SLC25A48: variants seen among roughly 807,000 people sequenced by gnomAD.
SLC25A48 encodes CTC-321K16.1.
A neutral mutation model predicts 32.2 loss-of-function variants in SLC25A48; 29 were observed. The ratio of observed to expected loss-of-function variants is 0.90; its 90% CI spans 0.67 to 1.23. The LOEUF (loss-of-function observed/expected upper bound fraction) is 1.23, where lower values mean the gene tolerates loss of function less well. SLC25A48 is among the 50% of genes most tolerant of loss of function. SLC25A48 has a pLI of 0.00. For synonymous variants in SLC25A48, 164 were observed against 172.3 expected, an observed-to-expected ratio of 0.95 and a Z score of 0.38; for missense variants, 399 against 422.7, an observed-to-expected ratio of 0.94 and a Z score of 0.49.
chr5:135,838,640 C>G (rs1016955851), intron 1 of SLC25A48, among the ~76,000 whole-genome samples: 1 of 152,218 alleles, frequency 6.6e-6, no homozygotes, highest in Non-Finnish European at 1.5e-5. Flanking sequence ...TGTGTCCTAG[C>G]CACTTCAGCC....
rs1016778368 is a variant in SLC25A48, at chr5:135,850,360, A to G, written c.91-65A>G. On this transcript the variant is annotated intron_variant, in intron 2 of 7. Transcript: ENST00000681962. ...ATGAGCAGGGCCTTTCCCTCTGGGC[A>G]TCTCCGGAGCAGTGGGGCTATGAAT... 6 of 1,517,760 alleles carry G rather than the reference A, an allele frequency of 4.0e-6. No individual in the cohort carries two copies. In the African/African-American group the frequency reaches 6.8e-5, roughly 17 times the overall value. 94.0% of individuals were successfully genotyped at this position (1,517,760 alleles called of 1,614,324 possible).
At chr5:135,850,057 A>G (rs1219959086) in intron 2 of SLC25A48, among the ~76,000 whole-genome samples, 1 of 152,224 alleles carries the variant, frequency 6.6e-6, no homozygotes, top group Non-Finnish European at 1.5e-5. Context: ...TGGTGGTTCT[A>G]GGGACAAGAA....
chr5:135,801,688 A>T (rs2109669), intron 3 of SLC25A48, among the ~76,000 whole-genome samples: 98,020 of 150,996 alleles, frequency 0.65, 34,041 homozygotes, highest in Non-Finnish European at 0.78. Flanking sequence ...CCCTATAATA[A>T]GGTTTGTAAT....
At chr5:135,643,011 G>A (rs1037969766) in intron 3 of SLC25A48, among the ~76,000 whole-genome samples, 1 of 152,202 alleles carries the variant, frequency 6.6e-6, no homozygotes, top group Non-Finnish European at 1.5e-5. Flanking sequence ...CGGCAGCAAC[G>A]CAAGTCCTAA....
intron 3 of SLC25A48, among the ~76,000 whole-genome samples, chr5:135,729,620 T>C (rs1389526206): frequency 3.3e-5 from 5 of 152,180 alleles, no homozygotes; most frequent in African/African-American, 1.2e-4. Context: ...AATATCAGTT[T>C]TAAATGATCA....
chr5:135,692,506 T>C (rs1754171140), intron 3 of SLC25A48, among the ~76,000 whole-genome samples: 1 of 152,096 alleles, frequency 6.6e-6, no homozygotes, highest in South Asian at 2.1e-4. Context: ...GGTGGAAAAA[T>C]AGACAATCAA....
At chr5:135,613,429 T>G (rs1210563866) in intron 1 of SLC25A48, among the ~76,000 whole-genome samples, 1 of 152,194 alleles carries the variant, frequency 6.6e-6, no homozygotes, top group Non-Finnish European at 1.5e-5. Context: ...TTTAAGTTTA[T>G]TATAATTTCA....
chr5:135,856,064 C>T (rs746434779), intron 4 of SLC25A48, among the ~76,000 whole-genome samples: 5 of 152,156 alleles, frequency 3.3e-5, no homozygotes, highest in Admixed American at 6.5e-5. Context: ...GAGAGAGTGC[C>T]GGCTTTGGAG....
At chr5:135,666,409 C>T (rs1290549792) in intron 3 of SLC25A48, among the ~76,000 whole-genome samples, 1 of 152,182 alleles carries the variant, frequency 6.6e-6, no homozygotes, top group Non-Finnish European at 1.5e-5. Context: ...AGATATCTTT[C>T]ACATAAAGAG....
chr5:135,637,158 A>T (rs1480657974), intron 3 of SLC25A48, among the ~76,000 whole-genome samples: 1 of 152,222 alleles, frequency 6.6e-6, no homozygotes, highest in African/African-American at 2.4e-5. Flanking sequence ...CAATGTGGTC[A>T]ACACAAATCA....
intron 3 of SLC25A48, among the ~76,000 whole-genome samples, chr5:135,695,602 C>T (rs1194788517): frequency 1.3e-5 from 2 of 152,118 alleles, no homozygotes; most frequent in African/African-American, 4.8e-5. Flanking sequence ...TGAGAATGCA[C>T]TGCCTCCCAC....
intron 3 of SLC25A48, among the ~76,000 whole-genome samples, chr5:135,640,153 GA>G (rs1294444660): frequency 6.6e-6 from 1 of 152,168 alleles, no homozygotes; most frequent in Non-Finnish European, 1.5e-5. Flanking sequence ...AGATTAACAG[GA>G]GATTGCAGAC....
intron 1 of SLC25A48, among the ~76,000 whole-genome samples, chr5:135,604,043 A>T (rs964993308): frequency 6.6e-6 from 1 of 152,206 alleles, no homozygotes; most frequent in African/African-American, 2.4e-5. Flanking sequence ...CTGGGTGCTA[A>T]ATTCTTTGAC....
chr5:135,769,934 G>T (rs1276488758), intron 3 of SLC25A48, among the ~76,000 whole-genome samples: 1 of 150,096 alleles, frequency 6.7e-6, no homozygotes, highest in Admixed American at 6.7e-5. Context: ...TAATATCCAG[G>T]GGGGAGAAAG....
chr5:135,855,750 C>A (rs1049479524), intron 4 of SLC25A48, among the ~76,000 whole-genome samples: 1 of 152,212 alleles, frequency 6.6e-6, no homozygotes, highest in Non-Finnish European at 1.5e-5. Flanking sequence ...GGGACTCATA[C>A]GCATGTATGT....
chr5:135,869,406 T>G (rs1246481975), intron 4 of SLC25A48, among the ~76,000 whole-genome samples: 2 of 152,202 alleles, frequency 1.3e-5, no homozygotes, highest in Non-Finnish European at 2.9e-5. Flanking sequence ...TATTGCTTAC[T>G]CCGCAGGGAA....
At chr5:135,727,866 T>A (rs1755124514) in intron 3 of SLC25A48, among the ~76,000 whole-genome samples, 1 of 152,214 alleles carries the variant, frequency 6.6e-6, no homozygotes, top group African/African-American at 2.4e-5. Context: ...TCCAGTTTCT[T>A]GTTTCTTTGC....
In SLC25A48 at chr5:135,856,505, G is replaced by T. The variant is rs147678949; in HGVS notation, c.421+3684G>T. Among the ~76,000 whole-genome samples, 52 of 152,312 alleles carry T rather than the reference G, an allele frequency of 3.4e-4. No individual in the cohort carries two copies. In the Middle Eastern group the frequency reaches 0.01, roughly 30 times the overall value. ...GCTGCCCAGGACAGGGTCTGCACAT[G>T]CTCTAAGCATGGTGCTGCTGCTCCT... On this transcript the variant is annotated intron_variant, in intron 4 of 7. Coordinates refer to ENST00000681962, the MANE Select transcript of SLC25A48 (RefSeq NM_001349336.2).
chr5:135,759,501 G>A (rs752452752), intron 3 of SLC25A48, among the ~76,000 whole-genome samples: 3 of 152,170 alleles, frequency 2.0e-5, no homozygotes, highest in East Asian at 3.9e-4. Flanking sequence ...CAATGTTCAC[G>A]CAGTGAAATT....
Sources: allele counts gnomAD v4.1 joint callset (sites outside exome capture counted in the v4.1 genomes callset), GRCh38; gene constraint gnomAD v4.1.1; transcripts MANE v1.5; gene names NCBI Gene and HGNC (gene_info 2026-07-23, HGNC 2026-07-21).